TMEM178B: variants seen among roughly 807,000 people sequenced by gnomAD.
TMEM178B encodes transmembrane protein 178B.
In TMEM178B, 5 loss-of-function variants were observed where a neutral mutation model predicts 31.0. The observed-to-expected ratio is 0.16, with a 90% CI of 0.08 to 0.34. The LOEUF is 0.34. Ranked by LOEUF, TMEM178B falls within the 10% of genes least tolerant of loss-of-function variation. The pLI, the probability that TMEM178B is intolerant of heterozygous loss-of-function variation, is 1.00. For synonymous variants in TMEM178B, 164 were observed against 164.0 expected, an observed-to-expected ratio of 1.00 and a Z score of 0.00; for missense variants, 275 against 400.3, an observed-to-expected ratio of 0.69 and a Z score of 2.67.
intron 2 of TMEM178B, among the ~76,000 whole-genome samples, chr7:141,251,430 A>G (rs1421081257): frequency 6.6e-6 from 1 of 151,924 alleles, no homozygotes; most frequent in Non-Finnish European, 1.5e-5. Context: ...AGTTTGGGGG[A>G]ACATGAGAGG....
intron 2 of TMEM178B, among the ~76,000 whole-genome samples, chr7:141,263,314 C>G (rs1034323278): frequency 2.0e-5 from 3 of 152,156 alleles, no homozygotes; most frequent in Middle Eastern, 3.2e-3. Context: ...GAGGACCAGG[C>G]TCAGTGGAAT....
At chr7:141,390,130 A>C (rs1212275720) in intron 2 of TMEM178B, among the ~76,000 whole-genome samples, 2 of 152,202 alleles carry the variant, frequency 1.3e-5, no homozygotes, top group African/African-American at 4.8e-5. Flanking sequence ...AAAGAGAAAG[A>C]AAGAGAGGGA....
intron 2 of TMEM178B, among the ~76,000 whole-genome samples, chr7:141,269,388 C>G (rs937234898): frequency 2.0e-5 from 3 of 152,102 alleles, no homozygotes; most frequent in Non-Finnish European, 4.4e-5. Flanking sequence ...AGCCACTGTG[C>G]CTGGCCTTTG....
Position 141,454,765 on chromosome 7 carries a change from CCA to C in TMEM178B, c.635-15768_635-15767del, listed in dbSNP as rs1364711550. Reference sequence around the variant, plus strand: ...TGTGGCCATGGGACAATGGAACAAGCCACAGTTGCCACTGTAGACTTGTCAGT... The same window carrying C: ...TGTGGCCATGGGACAATGGAACAAGCCAGTTGCCACTGTAGACTTGTCAGT... On this transcript the variant is annotated intron_variant, in intron 3 of 3. Coordinates refer to ENST00000565468, the MANE Select transcript of TMEM178B (RefSeq NM_001195278.2). Among the ~76,000 whole-genome samples, 5 of 152,262 alleles carry C rather than the reference CCA, an allele frequency of 3.3e-5. No individual in the cohort carries two copies. In the East Asian group the frequency reaches 9.7e-4, roughly 29 times the overall value.
At chr7:141,447,227 G>A (rs1322502368) in intron 3 of TMEM178B, among the ~76,000 whole-genome samples, 2 of 152,062 alleles carry the variant, frequency 1.3e-5, no homozygotes, top group Non-Finnish European at 2.9e-5. Flanking sequence ...AATAAAGCTG[G>A]GAAGGTGATA....
intron 1 of TMEM178B, among the ~76,000 whole-genome samples, chr7:141,094,038 GATAA>G (rs1306128022): frequency 1.3e-5 from 2 of 152,166 alleles, no homozygotes; most frequent in Non-Finnish European, 2.9e-5. Flanking sequence ...TTTTAAATTA[GATAA>G]ATAAAAGCAT....
At chr7:141,241,484 G>C (rs1164898492) in intron 2 of TMEM178B, among the ~76,000 whole-genome samples, 1 of 151,458 alleles carries the variant, frequency 6.6e-6, no homozygotes, top group Non-Finnish European at 1.5e-5. Flanking sequence ...CAGCTACTCG[G>C]GAGGCTGAGG....
At chr7:141,203,651 A>G (rs530575586) in intron 1 of TMEM178B, among the ~76,000 whole-genome samples, 2 of 152,212 alleles carry the variant, frequency 1.3e-5, no homozygotes, top group African/African-American at 4.8e-5. Context: ...TGGAAAGCAC[A>G]TACCTGGGTT....
chr7:141,099,528 A>G lies in TMEM178B; in HGVS notation c.382+24836A>G, dbSNP rs117263503. Among the ~76,000 whole-genome samples, 62 of 152,350 alleles carry G rather than the reference A, an allele frequency of 4.1e-4. 1 individual carries two copies. The East Asian group carries it at 8.3e-3, about 20-fold the overall frequency. ...GCCAGCAATGTATTGTTAAAGAACC[A>G]TAAGCTGCAGCCTCTCAAAGAGGGA... On this transcript the variant is annotated intron_variant, in intron 1 of 3. Transcript: ENST00000565468.
chr7:141,439,111 T>C (rs1174959773), intron 3 of TMEM178B, among the ~76,000 whole-genome samples: 1 of 152,038 alleles, frequency 6.6e-6, no homozygotes, highest in Non-Finnish European at 1.5e-5. Context: ...TTCATTGCTC[T>C]AGGTGTATGG....
intron 2 of TMEM178B, among the ~76,000 whole-genome samples, chr7:141,303,588 G>T (rs576202097): frequency 2.3e-4 from 35 of 152,290 alleles, no homozygotes; most frequent in African/African-American, 8.2e-4. Context: ...GAGAGATGAG[G>T]CCTGAGGCTG....
chr7:141,119,936 T>C (rs1795382887), intron 1 of TMEM178B, among the ~76,000 whole-genome samples: 1 of 152,196 alleles, frequency 6.6e-6, no homozygotes, highest in South Asian at 2.1e-4. Flanking sequence ...CAAGGCATAG[T>C]CTGCTTTTAT....
chr7:141,110,774 G>A (rs977486837), intron 1 of TMEM178B, among the ~76,000 whole-genome samples: 8 of 152,172 alleles, frequency 5.3e-5, no homozygotes, highest in African/African-American at 1.9e-4. Context: ...GGCTGTATCT[G>A]GGGTAAGGGA....
rs1400705443 is a variant in TMEM178B at position 141,477,944 on chromosome 7, A to G, written c.*7158A>G. The G allele has an allele frequency of 1.3e-5, 2 of 152,214 alleles. No individual in the cohort carries two copies. The highest frequency in any genetic ancestry group is 6.5e-5 in the Admixed American group (1 of 15,278). The allele number at this position is 152,214 out of a possible 1,614,324, so 9.4% of individuals were successfully genotyped here. ...CCACCCACTTTGACGATCTCATTTTACTATCAGTCTCTACTGACTGAGCTT... is the reference window on the plus strand; with the variant it reads ...CCACCCACTTTGACGATCTCATTTTGCTATCAGTCTCTACTGACTGAGCTT... On this transcript the variant is annotated 3_prime_UTR_variant, in exon 4 of 4. Coordinates refer to ENST00000565468, the MANE Select transcript of TMEM178B (RefSeq NM_001195278.2).
At chr7:141,240,250 A>G (rs1054316575) in intron 2 of TMEM178B, among the ~76,000 whole-genome samples, 4 of 152,298 alleles carry the variant, frequency 2.6e-5, no homozygotes, top group African/African-American at 9.6e-5. Flanking sequence ...TGAGGTTTTT[A>G]ATTGGAGGAG....
chr7:141,078,877 T>C (rs2129170577), intron 1 of TMEM178B, among the ~76,000 whole-genome samples: 1 of 152,158 alleles, frequency 6.6e-6, no homozygotes, highest in South Asian at 2.1e-4. Context: ...GACCAGGAGC[T>C]GGAGAGCAGC....
At chr7:141,256,223 T>C (rs1461866510) in intron 2 of TMEM178B, among the ~76,000 whole-genome samples, 2 of 152,142 alleles carry the variant, frequency 1.3e-5, no homozygotes, top group Non-Finnish European at 2.9e-5. Context: ...CCAATATAAA[T>C]AGAAGACCAT....
chr7:141,431,169 T>TG (rs1801421443), intron 2 of TMEM178B: 2 of 136,716 alleles, frequency 1.5e-5, no homozygotes, highest in East Asian at 2.1e-4. Context: ...TCACCATTTC[T>TG]GTTTTTTTTT....
At position 141,132,955 on chromosome 7, in the gene TMEM178B, G is replaced by T. The variant is rs574261445; in HGVS notation, c.382+58263G>T. ...AACAACTGCAGCCTAAACCACTGAAGAATTCATAGACACCTCTGATGCTGA... is the reference window on the plus strand; with the variant it reads ...AACAACTGCAGCCTAAACCACTGAATAATTCATAGACACCTCTGATGCTGA... On this transcript the variant is annotated intron_variant, in intron 1 of 3. Transcript: ENST00000565468. Among the ~76,000 whole-genome samples the T allele has an allele frequency of 2.0e-5, 3 of 152,092 alleles. No homozygotes were observed. In the South Asian group the frequency reaches 6.2e-4, roughly 32 times the overall value.
Sources: allele counts gnomAD v4.1 joint callset (sites outside exome capture counted in the v4.1 genomes callset), GRCh38; gene constraint gnomAD v4.1.1; transcripts MANE v1.5; gene names NCBI Gene and HGNC (gene_info 2026-07-23, HGNC 2026-07-21).